The following DNAH9 variants were observed in gnomAD, a reference collection of about 807,000 sequenced individuals.
DNAH9 encodes the protein dynein axonemal heavy chain 9.
In DNAH9, 345 loss-of-function variants were observed where a neutral mutation model predicts 471.6. That is an observed-to-expected ratio of 0.73 (90% CI 0.67 to 0.80). The LOEUF (loss-of-function observed/expected upper bound fraction) is 0.80, where lower values mean the gene tolerates loss of function less well. Ranked by LOEUF, DNAH9 falls within the 30% of genes least tolerant of loss-of-function variation. DNAH9 has a pLI of 0.00. For missense variants in DNAH9, 5,407 were observed against 5,609.2 expected (o/e 0.96, Z 1.15); for synonymous variants, 2,093 against 2,123.6 (o/e 0.99, Z 0.40).
chr17:11,735,925 G>T (rs917320176), intron 28 of DNAH9, among the ~76,000 whole-genome samples: 4 of 152,184 alleles, frequency 2.6e-5, no homozygotes, highest in Admixed American at 2.0e-4. Flanking sequence ...CATGTGCTTC[G>T]GCACCAGATT....
In DNAH9 at chr17:11,894,408, A is replaced by G. The variant is rs1304212260; in HGVS notation, c.11318A>G (p.Glu3773Gly). ...ATGAACCGAGAAGTCAATGCAGTGG[A>G]GTTGGATTTCCTGCTTCGATCTCCA... The part of the protein sequence containing the change: ...LLMNREVNAV[E>G]LDFLLRSPVQ... The change falls in exon 59 of 69, where the codon GAG becomes GGG. Residue 3773 changes from glutamate (E) to glycine (G), a missense_variant. Physicochemically the swap from Glu to Gly is moderately conservative, Grantham distance 98. Around this residue, in one of 3 missense-constraint regions of DNAH9, gnomAD observed 4,636 missense variants for 4,900.3 expected, o/e 0.95. Coordinates refer to ENST00000262442, the MANE Select transcript of DNAH9 (RefSeq NM_001372.4). 2 of 1,614,122 alleles carry G rather than the reference A, an allele frequency of 1.2e-6. No individual in the cohort carries two copies. The highest frequency in any genetic ancestry group is 1.7e-6 in the Non-Finnish European group (2 of 1,180,000).
At chr17:11,804,019 T>C (rs1009947697) in intron 43 of DNAH9, among the ~76,000 whole-genome samples, 3 of 152,232 alleles carry the variant, frequency 2.0e-5, no homozygotes, top group East Asian at 3.8e-4. Flanking sequence ...GTGGAGCTCA[T>C]ATAAGGCATG....
intron 19 of DNAH9, 146 bp from the exon 20 acceptor site, chr17:11,689,420 T>C: frequency 1.4e-6 from 1 of 714,508 alleles, no homozygotes; most frequent in Non-Finnish European, 2.4e-6. Flanking sequence ...TTATTTGCTT[T>C]CGTGAAAAGA....
chr17:11,882,943 A>C, intron 55 of DNAH9: 2 of 985,492 alleles, frequency 2.0e-6, no homozygotes, highest in Non-Finnish European at 2.4e-6. Flanking sequence ...CTGTGGTTGG[A>C]ACCTCCAACA....
chr17:11,922,564 G>T (rs1597830439), intron 61 of DNAH9, among the ~76,000 whole-genome samples: 1 of 152,138 alleles, frequency 6.6e-6, no homozygotes, highest in African/African-American at 2.4e-5. Flanking sequence ...CAGTGGTATG[G>T]CTGCCACATT....
In DNAH9 at chr17:11,727,986, C is replaced by G. The variant is rs1249196958; in HGVS notation, c.5814+64C>G. 5.6e-6 allele frequency: 6 copies of G among 1,062,728 alleles called. No individual in the cohort carries two copies. The African/African-American group carries it at 9.4e-5, about 17-fold the overall frequency. The allele number at this position is 1,062,728 out of a possible 1,614,324, so 65.8% of individuals were successfully genotyped here. A position where few individuals can be genotyped will look rare whatever the true frequency, so the allele number is the denominator to read the frequency against. ...TATTGATTACTGCGGAAGTCTATGTCCTCTTGTTTTCTACCTCTCCTGAGC... is the reference window on the plus strand; with the variant it reads ...TATTGATTACTGCGGAAGTCTATGTGCTCTTGTTTTCTACCTCTCCTGAGC... On this transcript the variant is annotated intron_variant, in intron 28 of 68. Transcript: ENST00000262442.
chr17:11,770,659 G>A (rs1428861732), intron 38 of DNAH9, among the ~76,000 whole-genome samples: 1 of 152,182 alleles, frequency 6.6e-6, no homozygotes, highest in African/African-American at 2.4e-5. Context: ...AAGACAAAAT[G>A]AAGCAACAAA....
chr17:11,960,435 T>TAAAAAAAAAAAAAAAAAAAAAAAA (rs3074845), intron 67 of DNAH9, among the ~76,000 whole-genome samples: 14 of 54,042 alleles, frequency 2.6e-4, no homozygotes, highest in East Asian at 6.2e-4. Flanking sequence ...GACTCTGTCT[T>TAAAAAAAAAAAAAAAAAAAAAAAA]AAAAAAAAAA....
chr17:11,680,060 C>A lies in DNAH9; in HGVS notation c.3576+81C>A, dbSNP rs2074108833. Reference sequence around the variant, plus strand: ...CAGAATGGGGTAAAGTGGGGTACAGCAAATGAAAAACAGGGCTTGGAGCTG... The same window carrying A: ...CAGAATGGGGTAAAGTGGGGTACAGAAAATGAAAAACAGGGCTTGGAGCTG... On this transcript the variant is annotated intron_variant, in intron 18 of 68. Transcript: ENST00000262442. The A allele has an allele frequency of 5.4e-6, 6 of 1,115,400 alleles. No homozygotes were observed. In the South Asian group the frequency reaches 8.8e-5, roughly 16 times the overall value. 69.1% of individuals were successfully genotyped at this position (1,115,400 alleles called of 1,614,324 possible).
At chr17:11,609,086 C>G (rs1336330930) in intron 2 of DNAH9, among the ~76,000 whole-genome samples, 2 of 152,182 alleles carry the variant, frequency 1.3e-5, no homozygotes, top group East Asian at 3.8e-4. Flanking sequence ...AACGGACAGC[C>G]TTCCTACATG....
intron 53 of DNAH9, 105 bp downstream of exon 53, chr17:11,875,289 C>CCTG: frequency 1.2e-6 from 1 of 864,662 alleles, no homozygotes; most frequent in South Asian, 1.7e-5. Context: ...CACTCCTGGT[C>CCTG]TCTCCATCAG....
chr17:11,808,232 C>G (rs1479640224), intron 44 of DNAH9, among the ~76,000 whole-genome samples: 1 of 152,200 alleles, frequency 6.6e-6, no homozygotes, highest in Non-Finnish European at 1.5e-5. Context: ...TGAAGGTCTG[C>G]TTGAGTTTCC....
chr17:11,669,005 T>C, intron 15 of DNAH9, 59 bp from the exon 16 acceptor site: 1 of 1,236,420 alleles, frequency 8.1e-7, no homozygotes, highest in Non-Finnish European at 1.2e-6. Context: ...AAAACAGTCC[T>C]CTACTTTGTC....
At chr17:11,923,563 G>C (rs369659253) in intron 61 of DNAH9, among the ~76,000 whole-genome samples, 6 of 151,694 alleles carry the variant, frequency 4.0e-5, no homozygotes, top group African/African-American at 1.5e-4. Context: ...CGCTCGCCTC[G>C]GCCTCCCAAA....
intron 67 of DNAH9, among the ~76,000 whole-genome samples, chr17:11,953,342 C>T (rs568896770): frequency 4.7e-4 from 72 of 152,270 alleles, no homozygotes; most frequent in Middle Eastern, 6.8e-3. Context: ...AGGCCTCAAG[C>T]GGCATCAACC....
In DNAH9 at chr17:11,876,666, G is replaced by A. The variant is rs1481717579; in HGVS notation, c.10478+1482G>A. Among the ~76,000 whole-genome samples the A allele has an allele frequency of 2.0e-5, 3 of 152,168 alleles. No homozygotes were observed. The East Asian group carries it at 5.8e-4, about 29-fold the overall frequency. On this transcript the variant is annotated intron_variant, in intron 53 of 68. Transcript: ENST00000262442. ...CAGGGAGTGCGAGGGAGAGGGGAAT[G>A]AAGAGTTAAGTGTTTCACAGGTACA...
chr17:11,795,063 TAA>T, intron 42 of DNAH9, among the ~76,000 whole-genome samples: 1 of 99,524 alleles, frequency 1.0e-5, no homozygotes, highest in East Asian at 2.5e-4. Flanking sequence ...CCCTAGAACT[TAA>T]AGTATAATAA....
intron 8 of DNAH9, among the ~76,000 whole-genome samples, chr17:11,636,062 G>A (rs778420971): frequency 1.7e-4 from 26 of 151,550 alleles, no homozygotes; most frequent in Non-Finnish European, 3.2e-4. Context: ...GCAATGGCAC[G>A]ATCTTGGCAT....
chr17:11,634,209 AC>A (rs2073119445), intron 8 of DNAH9, among the ~76,000 whole-genome samples: 1 of 152,118 alleles, frequency 6.6e-6, no homozygotes, highest in Non-Finnish European at 1.5e-5. Context: ...TAGTAGGAAA[AC>A]CATAACCCTC....
Sources: allele counts gnomAD v4.1 joint callset (sites outside exome capture counted in the v4.1 genomes callset), GRCh38; gene constraint gnomAD v4.1.1; regional missense constraint gnomAD v4.1.1; transcripts MANE v1.5; gene names NCBI Gene and HGNC (gene_info 2026-07-23, HGNC 2026-07-21).